Variants in PHF20L1 observed in about 807,000 individuals in gnomAD.
PHF20L1 encodes the protein PHD finger protein 20 like 1.
Under a neutral mutation model 125.5 loss-of-function variants are expected in PHF20L1, and 44 were observed. The ratio of observed to expected loss-of-function variants is 0.35; its 90% CI spans 0.28 to 0.45. PHF20L1 has a LOEUF of 0.45. Ranked by LOEUF, PHF20L1 falls within the 20% of genes least tolerant of loss-of-function variation. PHF20L1 has a pLI of 1.00. For synonymous variants in PHF20L1, 380 were observed against 403.1 expected (o/e 0.94, Z 0.69); for missense variants, 1,012 against 1,217.2 (o/e 0.83, Z 2.51).
In PHF20L1 at chr8:132,832,085, A is replaced by G. The variant is rs1013351375; in HGVS notation, c.1745-150A>G. 2.7e-5 allele frequency: 16 copies of G among 601,030 alleles called. No homozygotes were observed. The Admixed American group carries it at 3.1e-4, about 12-fold the overall frequency. 37.2% of individuals were successfully genotyped at this position (601,030 alleles called of 1,614,324 possible). On this transcript the variant is annotated intron_variant, in intron 14 of 20. Coordinates refer to ENST00000395386, the MANE Select transcript of PHF20L1 (RefSeq NM_016018.5). Reference sequence around the variant, plus strand: ...CAAGTGTTCTTGCTAAACCCAGTTCATCAGATCCATATGTAGCTTTTCATG... The same window carrying G: ...CAAGTGTTCTTGCTAAACCCAGTTCGTCAGATCCATATGTAGCTTTTCATG...
intron 2 of PHF20L1, among the ~76,000 whole-genome samples, chr8:132,784,275 C>G (rs1419634090): frequency 2.6e-5 from 4 of 151,974 alleles, no homozygotes; most frequent in African/African-American, 2.4e-5. Context: ...TTCTGCTTAT[C>G]CTAGTTTTTT....
chr8:132,837,460 A>G (rs1480409561), intron 16 of PHF20L1, among the ~76,000 whole-genome samples: 1 of 152,194 alleles, frequency 6.6e-6, no homozygotes, highest in East Asian at 1.9e-4. Context: ...AATTAGAGAA[A>G]TTATGACTTA....
At chr8:132,777,277 T>C (rs1563770700) in intron 1 of PHF20L1, among the ~76,000 whole-genome samples, 1 of 152,138 alleles carries the variant, frequency 6.6e-6, no homozygotes, top group Admixed American at 6.5e-5. Context: ...GGCAGAGGAG[T>C]GTGCCTACTG....
At chr8:132,815,010 G>A in intron 10 of PHF20L1, 121 bp downstream of exon 10, 1 of 692,156 alleles carries the variant, frequency 1.4e-6, no homozygotes, top group Non-Finnish European at 2.3e-6. Flanking sequence ...GATATGATAG[G>A]GAAGGCTTGA....
intron 4 of PHF20L1, among the ~76,000 whole-genome samples, chr8:132,798,062 G>C (rs1174734081): frequency 6.6e-6 from 1 of 152,010 alleles, no homozygotes; most frequent in Non-Finnish European, 1.5e-5. Flanking sequence ...CTTCATAATA[G>C]ACAAACAAAA....
At chr8:132,835,354 C>T (rs1454083530) in intron 15 of PHF20L1, among the ~76,000 whole-genome samples, 2 of 152,126 alleles carry the variant, frequency 1.3e-5, no homozygotes, top group East Asian at 3.9e-4. Context: ...CTGTCAGGAG[C>T]TCACACAGCA....
At chr8:132,831,997 A>G (rs1836831374) in intron 14 of PHF20L1, among the ~76,000 whole-genome samples, 1 of 152,106 alleles carries the variant, frequency 6.6e-6, no homozygotes, top group Non-Finnish European at 1.5e-5. Context: ...AAAAGTTTAC[A>G]GGTACCAGTT....
At chr8:132,804,079 C>G in intron 7 of PHF20L1, 47 bp downstream of exon 7, 2 of 1,263,286 alleles carry the variant, frequency 1.6e-6, no homozygotes, top group Non-Finnish European at 2.3e-6. Flanking sequence ...CTGGTAAACT[C>G]ATGTAGTAAA....
intron 8 of PHF20L1, chr8:132,809,632 AATGT>A (rs1289991524): frequency 1.3e-5 from 2 of 152,180 alleles, no homozygotes; most frequent in African/African-American, 4.8e-5. Flanking sequence ...CAGCTTCTGT[AATGT>A]ATGTAGTATA....
intron 2 of PHF20L1, among the ~76,000 whole-genome samples, chr8:132,782,577 T>C (rs200879935): frequency 7.0e-6 from 1 of 143,072 alleles, no homozygotes; most frequent in African/African-American, 2.4e-5. Context: ...CTGATGACAC[T>C]TTTTTCTTTT....
At chr8:132,805,366 G>C (rs1833563486) in intron 8 of PHF20L1, among the ~76,000 whole-genome samples, 2 of 151,842 alleles carry the variant, frequency 1.3e-5, no homozygotes, top group South Asian at 4.1e-4. Flanking sequence ...ATTCTAGCCT[G>C]GTTCGTGTTC....
At chr8:132,843,660 A>G (rs1223354764) in intron 19 of PHF20L1, 1 of 983,330 alleles carries the variant, frequency 1.0e-6, no homozygotes, top group Non-Finnish European at 1.2e-6. Context: ...TACTTTTGAA[A>G]CTTGTAAAAG....
rs971316335 is a variant in PHF20L1, at chr8:132,829,225, A to G, written c.1745-3010A>G. On this transcript the variant is annotated intron_variant, in intron 14 of 20. Coordinates refer to ENST00000395386, the MANE Select transcript of PHF20L1 (RefSeq NM_016018.5). ...ACAATCAGATTCTGCTTCTACTTTT[A>G]CTTTTGCTGAAAGGACAATATATAA... Among the ~76,000 whole-genome samples, 2 of 152,068 alleles carry G rather than the reference A, an allele frequency of 1.3e-5. 1 individual carries two copies. The highest frequency in any genetic ancestry group is 4.8e-5 in the African/African-American group (2 of 41,514).
At chr8:132,787,998 G>A (rs1343273643) in intron 2 of PHF20L1, among the ~76,000 whole-genome samples, 1 of 151,904 alleles carries the variant, frequency 6.6e-6, no homozygotes. Context: ...TATAGATGAA[G>A]TTCTTATCCA....
intron 12 of PHF20L1, chr8:132,818,098 T>C (rs235436): frequency 0.41 from 62,505 of 151,794 alleles, 12,997 homozygotes; most frequent in South Asian, 0.51. Flanking sequence ...GTGATATTTA[T>C]TGTAGTTCGA....
At chr8:132,798,059 A>G (rs1832620875) in intron 4 of PHF20L1, among the ~76,000 whole-genome samples, 1 of 152,072 alleles carries the variant, frequency 6.6e-6, no homozygotes, top group Non-Finnish European at 1.5e-5. Flanking sequence ...ATGCTTCATA[A>G]TAGACAAACA....
intron 12 of PHF20L1, among the ~76,000 whole-genome samples, chr8:132,820,244 A>G (rs1490804622): frequency 6.6e-6 from 1 of 151,914 alleles, no homozygotes; most frequent in African/African-American, 2.4e-5. Flanking sequence ...ATAAGGATAC[A>G]GCCTCAGAAA....
At chr8:132,841,347 A>G (rs1240849303) in intron 18 of PHF20L1, among the ~76,000 whole-genome samples, 1 of 152,032 alleles carries the variant, frequency 6.6e-6, no homozygotes, top group African/African-American at 2.4e-5. Context: ...AACCCCTTGG[A>G]CTATTGGACT....
chr8:132,832,630 T>TGTATATA (rs1345401255), intron 15 of PHF20L1, among the ~76,000 whole-genome samples: 35 of 152,176 alleles, frequency 2.3e-4, no homozygotes, highest in African/African-American at 6.3e-4. Context: ...TGTATATACT[T>TGTATATA]CTGTAGGTTT....
Sources: gnomAD v4.1 joint callset for allele counts (sites outside exome capture counted in the v4.1 genomes callset) on GRCh38, gnomAD v4.1.1 for gene constraint, MANE v1.5 for transcripts, NCBI Gene and HGNC (gene_info 2026-07-23, HGNC 2026-07-21) for gene names.